The following RAP1GDS1 variants were observed in gnomAD, a reference collection of about 807,000 sequenced individuals.
RAP1GDS1 encodes RAP1, GTP-GDP dissociation stimulator 1.
RAP1GDS1 carries 35 observed loss-of-function variants against 71.1 expected under a neutral mutation model. The observed-to-expected ratio is 0.49, with a 90% confidence interval of 0.38 to 0.65. RAP1GDS1 has a LOEUF of 0.65. Ranked by LOEUF, RAP1GDS1 falls within the 30% of genes least tolerant of loss-of-function variation. The pLI, the probability that RAP1GDS1 is intolerant of heterozygous loss-of-function variation, is 0.00. For missense variants in RAP1GDS1, 663 were observed against 706.1 expected (o/e 0.94, Z 0.69); for synonymous variants, 229 against 243.1 (o/e 0.94, Z 0.54).
chr4:98,380,126 A>T (rs544046198), intron 5 of RAP1GDS1, among the ~76,000 whole-genome samples: 7 of 151,030 alleles, frequency 4.6e-5, no homozygotes, highest in African/African-American at 1.7e-4. Flanking sequence ...ATGGCTACTG[A>T]TATTTGGCCC....
At chr4:98,314,015 A>T (rs1258162641) in intron 2 of RAP1GDS1, among the ~76,000 whole-genome samples, 1 of 152,144 alleles carries the variant, frequency 6.6e-6, no homozygotes, top group Non-Finnish European at 1.5e-5. Flanking sequence ...AGGTGAGTCC[A>T]TTTTAGATGC....
intron 2 of RAP1GDS1, among the ~76,000 whole-genome samples, chr4:98,310,572 T>G (rs981610945): frequency 6.6e-6 from 1 of 152,190 alleles, no homozygotes; most frequent in African/African-American, 2.4e-5. Flanking sequence ...AAAAATTGTT[T>G]TAGAAGACAC....
chr4:98,273,424 TTAC>T (rs1478844957), intron 1 of RAP1GDS1, among the ~76,000 whole-genome samples: 1 of 152,186 alleles, frequency 6.6e-6, no homozygotes, highest in African/African-American at 2.4e-5. Flanking sequence ...ATCATTTTTT[TTAC>T]TACATTTGAA....
At chr4:98,429,896 A>G (rs1275287155) in intron 12 of RAP1GDS1, among the ~76,000 whole-genome samples, 1 of 152,058 alleles carries the variant, frequency 6.6e-6, no homozygotes, top group African/African-American at 2.4e-5. Context: ...TATCTTCAGT[A>G]TCAACTAACA....
chr4:98,292,507 A>G (rs1267221153), intron 1 of RAP1GDS1, among the ~76,000 whole-genome samples: 2 of 151,926 alleles, frequency 1.3e-5, no homozygotes, highest in African/African-American at 4.8e-5. Flanking sequence ...ACCATGGCAC[A>G]TGTTTATGTA....
intron 1 of RAP1GDS1, among the ~76,000 whole-genome samples, chr4:98,280,337 A>G (rs1409567325): frequency 6.6e-6 from 1 of 152,078 alleles, no homozygotes; most frequent in African/African-American, 2.4e-5. Flanking sequence ...TGTGGCATTG[A>G]TTTGCGTTTC....
chr4:98,291,802 G>A (rs1395134604), intron 1 of RAP1GDS1, among the ~76,000 whole-genome samples: 5 of 152,128 alleles, frequency 3.3e-5, no homozygotes, highest in African/African-American at 1.2e-4. Flanking sequence ...AGCCATACAT[G>A]TCCAGTAGTC....
chr4:98,425,575 G>C (rs1362585713), intron 12 of RAP1GDS1, among the ~76,000 whole-genome samples: 1 of 152,168 alleles, frequency 6.6e-6, no homozygotes, highest in Admixed American at 6.5e-5. Context: ...AGCAGGAATA[G>C]CTATCTTGTA....
At chr4:98,364,362 C>G (rs1248653970) in intron 4 of RAP1GDS1, among the ~76,000 whole-genome samples, 1 of 152,168 alleles carries the variant, frequency 6.6e-6, no homozygotes, top group South Asian at 2.1e-4. Flanking sequence ...GATAAAAAAA[C>G]TGAGACCTGA....
intron 3 of RAP1GDS1, among the ~76,000 whole-genome samples, chr4:98,351,885 G>A (rs1737258645): frequency 6.6e-6 from 1 of 151,906 alleles, no homozygotes; most frequent in African/African-American, 2.4e-5. Flanking sequence ...CCATAAAATG[G>A]ATTTTAATAA....
chr4:98,408,497 A>G (rs1426214412), intron 7 of RAP1GDS1, among the ~76,000 whole-genome samples: 1 of 152,182 alleles, frequency 6.6e-6, no homozygotes, highest in East Asian at 1.9e-4. Flanking sequence ...TCTTACCTTA[A>G]GAATTCTTCC....
chr4:98,301,100 G>T (rs1214622782), intron 2 of RAP1GDS1, among the ~76,000 whole-genome samples: 1 of 151,794 alleles, frequency 6.6e-6, no homozygotes, highest in Non-Finnish European at 1.5e-5. Flanking sequence ...GTAGTATCTT[G>T]AAGAGATTTT....
At chr4:98,379,379 A>T (rs957673737) in intron 5 of RAP1GDS1, 2 of 462,894 alleles carry the variant, frequency 4.3e-6, no homozygotes, top group African/African-American at 4.1e-5. Flanking sequence ...GCCAGTTTTG[A>T]TCAGTATCAA....
At chr4:98,403,275 A>G (rs967821131) in intron 6 of RAP1GDS1, among the ~76,000 whole-genome samples, 5 of 152,188 alleles carry the variant, frequency 3.3e-5, no homozygotes, top group African/African-American at 1.2e-4. Flanking sequence ...AGAAACTTGT[A>G]GAAAAATTAA....
At chr4:98,358,376 A>C (rs762912403) in intron 4 of RAP1GDS1, among the ~76,000 whole-genome samples, 8 of 152,160 alleles carry the variant, frequency 5.3e-5, no homozygotes, top group Middle Eastern at 3.4e-3. Flanking sequence ...ACTTTACAGA[A>C]GGTAGTTTTA....
At chr4:98,279,643 G>T (rs1197242960) in intron 1 of RAP1GDS1, among the ~76,000 whole-genome samples, 1 of 151,856 alleles carries the variant, frequency 6.6e-6, no homozygotes, top group Non-Finnish European at 1.5e-5. Context: ...AAGTCCTGGG[G>T]TACATGTGCA....
chr4:98,433,708 T>G (rs1750766952), intron 12 of RAP1GDS1, among the ~76,000 whole-genome samples: 1 of 152,232 alleles, frequency 6.6e-6, no homozygotes, highest in Non-Finnish European at 1.5e-5. Context: ...TAATATGAAC[T>G]GCAGTGGTCT....
At chr4:98,331,354 G>A (rs939636995) in intron 2 of RAP1GDS1, among the ~76,000 whole-genome samples, 20 of 146,636 alleles carry the variant, frequency 1.4e-4, no homozygotes, top group African/African-American at 5.3e-4. Context: ...GAGAGGGAGA[G>A]GGAGAGAGAG....
intron 1 of RAP1GDS1, among the ~76,000 whole-genome samples, chr4:98,279,629 C>CT (rs1724759706): frequency 6.6e-6 from 1 of 151,906 alleles, no homozygotes; most frequent in Non-Finnish European, 1.5e-5. Context: ...AAGTTCTGTA[C>CT]TTTAAGTCCT....
Sources: allele counts gnomAD v4.1 joint callset (sites outside exome capture counted in the v4.1 genomes callset), GRCh38; gene constraint gnomAD v4.1.1; transcripts MANE v1.5; gene names NCBI Gene and HGNC (gene_info 2026-07-23, HGNC 2026-07-21).